TSPAN15: variants seen among roughly 807,000 people sequenced by gnomAD.
TSPAN15 encodes tetraspanin-15.
In TSPAN15, 20 loss-of-function variants were observed where a neutral mutation model predicts 34.5. The ratio of observed to expected loss-of-function variants is 0.58; its 90% CI spans 0.41 to 0.84. The LOEUF (loss-of-function observed/expected upper bound fraction) is 0.84. Among genes scored for constraint, TSPAN15 ranks in the 40% least tolerant of loss-of-function variants. The probability of loss-of-function intolerance (pLI) is 0.00; values close to 1 mark genes in which losing one functional copy is unlikely to be tolerated. For synonymous variants in TSPAN15, 155 were observed against 153.9 expected (o/e 1.01, Z -0.05); for missense variants, 313 against 386.1 (o/e 0.81, Z 1.59).
At position 69,501,039 on chromosome 10, in the gene TSPAN15, G is replaced by A. The variant is rs79633698; in HGVS notation, c.570+2643G>A. Among the ~76,000 whole-genome samples the A allele has an allele frequency of 5.8e-3, 882 of 152,296 alleles. 7 individuals are homozygous for A. The highest frequency in any genetic ancestry group is 0.02 in the African/African-American group (817 of 41,548). On this transcript the variant is annotated intron_variant, in intron 5 of 7. Transcript: ENST00000373290. Reference sequence around the variant, plus strand: ...CGCATAGCAGATGTGGGCGATGAATGAAAGAGAGAAATCAAGGAGGATACC... The same window carrying A: ...CGCATAGCAGATGTGGGCGATGAATAAAAGAGAGAAATCAAGGAGGATACC...
At chr10:69,477,686 A>G (rs987549231) in intron 1 of TSPAN15, among the ~76,000 whole-genome samples, 31 of 152,242 alleles carry the variant, frequency 2.0e-4, no homozygotes, top group African/African-American at 6.5e-4. Flanking sequence ...CTGCTCCGCT[A>G]TTGTCGGCTT....
chr10:69,486,009 G>A lies in TSPAN15; in HGVS notation c.357+794G>A, dbSNP rs913029021. Among the ~76,000 whole-genome samples the A allele has an allele frequency of 4.6e-5, 7 of 152,288 alleles. No individual in the cohort carries two copies. In the East Asian group the frequency reaches 9.6e-4, roughly 21 times the overall value. On this transcript the variant is annotated intron_variant, in intron 3 of 7. Coordinates refer to ENST00000373290, the MANE Select transcript of TSPAN15 (RefSeq NM_012339.5). Reference sequence around the variant, plus strand: ...AGCCAGAAAGGTTCTCGTGGCTCCCGGCTCCAGCTCCTTCAGGCAGGATGT... The same window carrying A: ...AGCCAGAAAGGTTCTCGTGGCTCCCAGCTCCAGCTCCTTCAGGCAGGATGT...
intron 1 of TSPAN15, among the ~76,000 whole-genome samples, chr10:69,461,513 C>T (rs1841257299): frequency 6.6e-6 from 1 of 152,204 alleles, no homozygotes; most frequent in Non-Finnish European, 1.5e-5. Context: ...TTGCCTGTGA[C>T]CTTGTATGAG....
chr10:69,491,132 A>C (rs750459634), intron 3 of TSPAN15, among the ~76,000 whole-genome samples: 1 of 152,170 alleles, frequency 6.6e-6, no homozygotes, highest in Non-Finnish European at 1.5e-5. Flanking sequence ...GGTCTGAGGA[A>C]GGGTCTGGCA....
rs369019649 is a variant in TSPAN15, at chr10:69,506,094, G to T, written c.619-30G>T. On this transcript the variant is annotated intron_variant, in intron 6 of 7. Coordinates refer to ENST00000373290, the MANE Select transcript of TSPAN15 (RefSeq NM_012339.5). This position sits in a 1 kb window ranked among gnomAD's most constrained non-coding sequence, Gnocchi z 4.7. ...TGGCTCCTGCCAGCCGAGGTCCTCT[G>T]CTGGGCTGACCCAGCTCCTTCCCAT... 2 of 1,604,252 alleles carry T rather than the reference G, an allele frequency of 1.2e-6. No individual in the cohort carries two copies. Among genetic ancestry groups the T allele is most frequent in the Non-Finnish European group, 1.7e-6 (2 of 1,172,172 alleles).
At chr10:69,500,994 G>T (rs1842193786) in intron 5 of TSPAN15, among the ~76,000 whole-genome samples, 1 of 152,186 alleles carries the variant, frequency 6.6e-6, no homozygotes, top group Non-Finnish European at 1.5e-5. Context: ...TATTTTGCAA[G>T]TAAGCCTACA....
At position 69,507,471 on chromosome 10, in the gene TSPAN15, C is replaced by T. The variant is rs1308267846; in HGVS notation, c.*493C>T. On this transcript the variant is annotated 3_prime_UTR_variant, in exon 8 of 8. Transcript: ENST00000373290. The stretch of plus-strand genomic sequence containing the variant: ...TGGCCTCTTCTCAGCCTCCCAGGTG[C>T]CTTGAGCCCTCTTGCAAGGGCGGCT... 1 of 1,303,302 alleles carries T rather than the reference C, an allele frequency of 7.7e-7. No individual in the cohort carries two copies. The highest frequency in any genetic ancestry group is 5.5e-5 in the East Asian group (1 of 18,040). The allele number at this position is 1,303,302 out of a possible 1,614,324, so 80.7% of individuals were successfully genotyped here.
At chr10:69,528,309 G>A in the TSPAN15 span, among the ~76,000 whole-genome samples, 4 of 148,688 alleles carry the variant, frequency 2.7e-5, 1 homozygote, top group African/African-American at 9.8e-5. Context: ...AGGCACTGCA[G>A]GACCCCAAAG....
the TSPAN15 span, among the ~76,000 whole-genome samples, chr10:69,524,937 C>A: frequency 6.8e-6 from 1 of 147,524 alleles, no homozygotes; most frequent in African/African-American, 2.5e-5. Context: ...CCTGCCACCA[C>A]GCCCCACTAA....
the TSPAN15 span, among the ~76,000 whole-genome samples, chr10:69,524,821 C>A: frequency 6.9e-6 from 1 of 145,872 alleles, no homozygotes; most frequent in African/African-American, 2.5e-5. Flanking sequence ...GCTCTTGTCA[C>A]CCAGGTTGGG....
At chr10:69,516,118 C>T in the TSPAN15 span, among the ~76,000 whole-genome samples, 132 of 152,298 alleles carry the variant, frequency 8.7e-4, no homozygotes, top group African/African-American at 3.0e-3. Flanking sequence ...GGAGTAGCAA[C>T]CAAGGTTACT....
At chr10:69,462,657 C>T (rs1841296183) in intron 1 of TSPAN15, among the ~76,000 whole-genome samples, 1 of 152,112 alleles carries the variant, frequency 6.6e-6, no homozygotes, top group Non-Finnish European at 1.5e-5. Context: ...TTTAAACTTC[C>T]CTGGGTGATT....
intron 1 of TSPAN15, among the ~76,000 whole-genome samples, chr10:69,475,171 C>G (rs1189559925): frequency 2.0e-5 from 3 of 152,118 alleles, no homozygotes; most frequent in African/African-American, 7.2e-5. Flanking sequence ...GCTCTTGACT[C>G]TCCTTCCCAT....
the TSPAN15 span, among the ~76,000 whole-genome samples, chr10:69,521,317 C>CT: frequency 6.7e-6 from 1 of 148,834 alleles, no homozygotes; most frequent in South Asian, 2.1e-4. Context: ...TAAGACCAGC[C>CT]TGGCCAACAT....
At chr10:69,526,056 C>T in the TSPAN15 span, among the ~76,000 whole-genome samples, 1 of 146,128 alleles carries the variant, frequency 6.8e-6, no homozygotes, top group Non-Finnish European at 1.5e-5. Context: ...ATAAAGAGTT[C>T]GCCCCCAAAC....
At chr10:69,517,895 G>T in the TSPAN15 span, among the ~76,000 whole-genome samples, 3 of 152,196 alleles carry the variant, frequency 2.0e-5, no homozygotes, top group African/African-American at 7.2e-5. Flanking sequence ...GGGAAAGGGG[G>T]TAGCTACAGG....
intron 1 of TSPAN15, among the ~76,000 whole-genome samples, chr10:69,473,891 G>A (rs1028861283): frequency 6.6e-6 from 1 of 152,098 alleles, no homozygotes; most frequent in Admixed American, 6.5e-5. Flanking sequence ...GTTCCGATGT[G>A]GGATTCCATG....
intron 4 of TSPAN15, 27 bp from the exon 5 acceptor site, chr10:69,498,253 C>T: frequency 6.2e-7 from 1 of 1,604,332 alleles, no homozygotes; most frequent in Non-Finnish European, 8.5e-7. Flanking sequence ...ATGACGGCAG[C>T]TCCTCTTTCC....
intron 1 of TSPAN15, among the ~76,000 whole-genome samples, chr10:69,463,476 G>A (rs550634040): frequency 1.3e-5 from 2 of 152,286 alleles, no homozygotes; most frequent in East Asian, 3.9e-4. Context: ...CACTCTGACT[G>A]GTGAGCTCTG....
Sources: gnomAD v4.1 joint callset for allele counts (sites outside exome capture counted in the v4.1 genomes callset) on GRCh38, gnomAD v4.1.1 for gene constraint, Gnocchi (gnomAD v3.1) non-coding constraint, MANE v1.5 for transcripts, NCBI Gene and HGNC (gene_info 2026-07-23, HGNC 2026-07-21) for gene names.